LAMA3: variants seen among roughly 807,000 people sequenced by gnomAD.
LAMA3 encodes laminin subunit alpha-3.
Under a neutral mutation model 402.0 loss-of-function variants are expected in LAMA3, and 281 were observed. That is an observed-to-expected ratio of 0.70 (90% confidence interval 0.63 to 0.77). LAMA3 has a LOEUF of 0.77. Ranked by LOEUF, LAMA3 falls within the 30% of genes least tolerant of loss-of-function variation. LAMA3 has a pLI of 0.00. For synonymous variants in LAMA3, 1,431 were observed against 1,558.4 expected, an observed-to-expected ratio of 0.92 and a Z score of 1.93; for missense variants, 3,840 against 4,215.5, an observed-to-expected ratio of 0.91 and a Z score of 2.47.
At position 23,753,781 on chromosome 18, in the gene LAMA3, G is replaced by C. The variant is rs771405735; in HGVS notation, c.916G>C (p.Glu306Gln). 1.9e-6 allele frequency: 3 copies of C among 1,613,716 alleles called. No individual in the cohort carries two copies. In the African/African-American group the frequency reaches 4.0e-5, roughly 22 times the overall value. The change falls in exon 6 of 75, where the codon GAA becomes CAA. Residue 306 changes from glutamate to glutamine, a missense_variant. Coordinates refer to ENST00000313654, the MANE Select transcript of LAMA3 (RefSeq NM_198129.4). ...GGQCVCNGHAEVCNINNPEKL... is the reference protein window; with the variant it reads ...GGQCVCNGHAQVCNINNPEKL... ...GCAGTGTGTTTGCAATGGCCATGCT[G>C]AAGTGTGCAATATAAACAATCCTGA...
At chr18:23,877,896 G>A (rs1408568210) in intron 39 of LAMA3, among the ~76,000 whole-genome samples, 1 of 152,114 alleles carries the variant, frequency 6.6e-6, no homozygotes, top group African/African-American at 2.4e-5. Context: ...TGAATCACGA[G>A]GTCAGGAGTT....
At chr18:23,815,754 G>A (rs1387407799) in intron 17 of LAMA3, among the ~76,000 whole-genome samples, 181 bp downstream of exon 17, 2 of 152,052 alleles carry the variant, frequency 1.3e-5, no homozygotes, top group Non-Finnish European at 2.9e-5. Context: ...TTGCAAGTGG[G>A]GCTGTTTCTA....
Position 23,838,766 on chromosome 18 carries a change from G to T in LAMA3, c.3094-15G>T. 6.7e-7 allele frequency: 1 copy of T among 1,495,022 alleles called. No homozygotes were observed. Among genetic ancestry groups the T allele is most frequent in the South Asian group, 1.1e-5 (1 of 88,752 alleles). 92.6% of individuals were successfully genotyped at this position (1,495,022 alleles called of 1,614,324 possible). A position where few individuals can be genotyped will look rare whatever the true frequency, so the allele number is the denominator to read the frequency against. On this transcript the variant is annotated splice_polypyrimidine_tract_variant and intron_variant, in intron 25 of 74. Coordinates refer to ENST00000313654, the MANE Select transcript of LAMA3 (RefSeq NM_198129.4). ...TAACTGCAATGTGCCTTTGTGCATT[G>T]TATTTGCTCACTAGCATCAAGTTTG...
intron 4 of LAMA3, 84 bp from the exon 5 acceptor site, chr18:23,750,834 G>A: frequency 7.0e-7 from 1 of 1,436,428 alleles, no homozygotes; most frequent in Admixed American, 1.7e-5. Context: ...GTGCCTTGGG[G>A]CATGTGAGTT....
chr18:23,822,474 T>C, intron 20 of LAMA3, 99 bp downstream of exon 20: 1 of 1,318,190 alleles, frequency 7.6e-7, no homozygotes, highest in Non-Finnish European at 1.1e-6. Context: ...CCTTAGAAAA[T>C]GTCAAGCCTG....
intron 1 of LAMA3, among the ~76,000 whole-genome samples, chr18:23,709,658 AAAG>A (rs1167937298): frequency 2.0e-5 from 3 of 152,130 alleles, no homozygotes; most frequent in Admixed American, 2.0e-4. Flanking sequence ...CAGAAAAAAT[AAAG>A]TGGCCTGTCC....
chr18:23,716,551 T>A (rs2061103430), intron 2 of LAMA3, among the ~76,000 whole-genome samples: 1 of 152,248 alleles, frequency 6.6e-6, no homozygotes, highest in Non-Finnish European at 1.5e-5. Context: ...GTCTGCTGGC[T>A]TGTTCTTTTT....
chr18:23,885,995 T>G (rs908544896), intron 41 of LAMA3, among the ~76,000 whole-genome samples: 2 of 152,220 alleles, frequency 1.3e-5, no homozygotes, highest in Non-Finnish European at 2.9e-5. Flanking sequence ...TAATACTATG[T>G]TAGTAATATC....
At chr18:23,815,750 G>A (rs2063163401) in intron 17 of LAMA3, among the ~76,000 whole-genome samples, 177 bp downstream of exon 17, 1 of 152,198 alleles carries the variant, frequency 6.6e-6, no homozygotes, top group African/African-American at 2.4e-5. Context: ...TAAATTGCAA[G>A]TGGGGCTGTT....
rs770793475 is a variant in LAMA3, at chr18:23,784,176, G to A, written c.1603+19G>A. ...TGCCAAGGTAAGTGGGCAGAACATA[G>A]CATATTCATAATCAATCCCTCAAGA... On this transcript the variant is annotated intron_variant, in intron 12 of 74. Coordinates refer to ENST00000313654, the MANE Select transcript of LAMA3 (RefSeq NM_198129.4). 3.1e-6 allele frequency: 5 copies of A among 1,613,904 alleles called. No individual in the cohort carries two copies. The highest frequency in any genetic ancestry group is 4.2e-6 in the Non-Finnish European group (5 of 1,179,838).
chr18:23,907,756 G>A lies in LAMA3; in HGVS notation c.6836G>A (p.Gly2279Asp). ...ACCTCCCTATCTGTGTGTGCATTAG[G>A]TGATATTGATGCTATGATCAGTAGT... ...LRDGLHGIQR[G>D]DIDAMISSAK... Residue 2279 changes from glycine (G) to aspartate (D), a missense_variant and splice_region_variant, in exon 54 of 75, where the codon GGT becomes GAT. This residue lies in a region of LAMA3 where 891 missense variants were observed against 857.5 expected (regional missense o/e 1.04). Coordinates refer to ENST00000313654, the MANE Select transcript of LAMA3 (RefSeq NM_198129.4). 6.2e-7 allele frequency: 1 copy of A among 1,614,136 alleles called. No individual in the cohort carries two copies. The highest frequency in any genetic ancestry group is 8.5e-7 in the Non-Finnish European group (1 of 1,180,000).
chr18:23,866,325 G>A (rs1044801210), intron 36 of LAMA3, among the ~76,000 whole-genome samples: 12 of 152,180 alleles, frequency 7.9e-5, no homozygotes, highest in African/African-American at 2.9e-4. Context: ...GATAGCTTTG[G>A]GAAAGGTTTT....
chr18:23,784,683 G>A (rs1598787757), intron 12 of LAMA3, among the ~76,000 whole-genome samples: 2 of 152,152 alleles, frequency 1.3e-5, no homozygotes, highest in East Asian at 1.9e-4. Context: ...GCTGAAGGGG[G>A]GATGGAAGGT....
intron 32 of LAMA3, among the ~76,000 whole-genome samples, chr18:23,856,293 T>G (rs2064078228): frequency 6.6e-6 from 1 of 152,248 alleles, no homozygotes; most frequent in African/African-American, 2.4e-5. Context: ...AGAGTCGTAT[T>G]TAACTTTTTT....
chr18:23,884,972 A>G (rs1233997157), intron 41 of LAMA3, 119 bp downstream of exon 41: 1 of 654,582 alleles, frequency 1.5e-6, no homozygotes, highest in Non-Finnish European at 2.6e-6. Context: ...GAGGCCTGGA[A>G]AAAGGTCTCT....
chr18:23,820,915 C>G (rs1468842703), intron 19 of LAMA3, among the ~76,000 whole-genome samples: 1 of 152,120 alleles, frequency 6.6e-6, no homozygotes, highest in Non-Finnish European at 1.5e-5. Flanking sequence ...TGGCCAAAGT[C>G]CCCCATCCAA....
intron 12 of LAMA3, among the ~76,000 whole-genome samples, chr18:23,787,401 G>A (rs559707647): frequency 1.3e-5 from 2 of 152,056 alleles, no homozygotes; most frequent in Non-Finnish European, 2.9e-5. Flanking sequence ...AATAGCCAAA[G>A]AAATAATGGT....
chr18:23,907,483 C>A, intron 52 of LAMA3, 67 bp from the exon 53 acceptor site: 1 of 1,143,370 alleles, frequency 8.7e-7, no homozygotes, highest in Non-Finnish European at 1.3e-6. Context: ...ACTTCAGGGG[C>A]CACAAATACC....
At chr18:23,696,457 C>G (rs1311594814) in intron 1 of LAMA3, among the ~76,000 whole-genome samples, 1 of 152,028 alleles carries the variant, frequency 6.6e-6, no homozygotes, top group Non-Finnish European at 1.5e-5. Context: ...AAAAATATAG[C>G]TGTTAAAGTA....
Sources: gnomAD v4.1 joint callset for allele counts (sites outside exome capture counted in the v4.1 genomes callset) on GRCh38, gnomAD v4.1.1 for gene constraint, gnomAD v4.1.1 regional missense constraint, MANE v1.5 for transcripts, NCBI Gene and HGNC (gene_info 2026-07-23, HGNC 2026-07-21) for gene names.